PSMF1: variants seen among roughly 807,000 people sequenced by gnomAD.
PSMF1 encodes proteasome inhibitor PI31 subunit.
A neutral mutation model predicts 29.3 loss-of-function variants in PSMF1; 30 were observed. That is an observed-to-expected ratio of 1.02 (90% CI 0.77 to 1.39). The LOEUF (loss-of-function observed/expected upper bound fraction) is 1.39, where lower values mean the gene tolerates loss of function less well. Ranked by LOEUF, PSMF1 falls within the 40% of genes most tolerant of loss-of-function variation. The pLI is 0.00. For synonymous variants in PSMF1, 134 were observed against 139.7 expected, an observed-to-expected ratio of 0.96 and a Z score of 0.29; for missense variants, 344 against 357.5, an observed-to-expected ratio of 0.96 and a Z score of 0.31.
At chr20:1,161,009 T>G in intron 4 of PSMF1, 1 of 387,926 alleles carries the variant, frequency 2.6e-6, no homozygotes, top group Non-Finnish European at 5.1e-6. Context: ...CTTCTATGCC[T>G]CTGGGCGCAC....
At position 1,164,227 on chromosome 20, in the gene PSMF1, A is replaced by T; in HGVS notation, c.606-91A>T. 1 of 1,330,942 alleles carries T rather than the reference A, an allele frequency of 7.5e-7. No homozygotes were observed. Among genetic ancestry groups the T allele is most frequent in the African/African-American group, 1.4e-5 (1 of 69,290 alleles). The allele number at this position is 1,330,942 out of a possible 1,614,324, so 82.4% of individuals were successfully genotyped here. A position where few individuals can be genotyped will look rare whatever the true frequency, so the allele number is the denominator to read the frequency against. Reference sequence around the variant, plus strand: ...TTGGGCCATCCAGAGTAGACATCCCAGCCATTCTTGGTGCATTGTAACCTC... The same window carrying T: ...TTGGGCCATCCAGAGTAGACATCCCTGCCATTCTTGGTGCATTGTAACCTC... On this transcript the variant is annotated intron_variant, in intron 5 of 6. Transcript: ENST00000335877. The surrounding 1 kb of genome is among the most constrained non-coding windows in gnomAD (Gnocchi z 4.1).
In PSMF1 at chr20:1,164,621, C is replaced by T; in HGVS notation, c.764+145C>T. 1 of 1,132,796 alleles carries T rather than the reference C, an allele frequency of 8.8e-7. No homozygotes were observed. Among genetic ancestry groups the T allele is most frequent in the Non-Finnish European group, 1.2e-6 (1 of 805,966 alleles). The allele number at this position is 1,132,796 out of a possible 1,614,324, so 70.2% of individuals were successfully genotyped here. On this transcript the variant is annotated intron_variant, in intron 6 of 6. Transcript: ENST00000335877. The surrounding 1 kb of genome is among the most constrained non-coding windows in gnomAD (Gnocchi z 4.1). ...CAGGAGAGTGGAGCCTCCTCCAGGG[C>T]CCTGCCTGATTTCTCCCTGGAGCCT...
rs1027351853 is a variant in PSMF1 at position 1,155,954 on chromosome 20, G to A, written c.552-7176G>A. ...AGACAACCGATGTCAGTATTAAGAT[G>A]ACACAGATGTTGGAATTATTTGACA... On this transcript the variant is annotated intron_variant, in intron 4 of 6. Transcript: ENST00000335877. Among the ~76,000 whole-genome samples, 5 of 152,278 alleles carry A rather than the reference G, an allele frequency of 3.3e-5. No individual in the cohort carries two copies. In the East Asian group the frequency reaches 9.7e-4, roughly 29 times the overall value.
intron 4 of PSMF1, among the ~76,000 whole-genome samples, chr20:1,157,427 CTAACA>C (rs1352590918): frequency 1.3e-5 from 2 of 152,168 alleles, no homozygotes; most frequent in African/African-American, 4.8e-5. Context: ...ATAATTACGC[CTAACA>C]TAATACAACT....
At chr20:1,125,691 A>G in intron 2 of PSMF1, 41 bp downstream of exon 2, 1 of 1,588,584 alleles carries the variant, frequency 6.3e-7, no homozygotes, top group Middle Eastern at 1.8e-4. Flanking sequence ...TGAGATGGGG[A>G]TAGGAATGGC....
At chr20:1,138,901 C>T (rs2086344619) in intron 4 of PSMF1, among the ~76,000 whole-genome samples, 1 of 152,044 alleles carries the variant, frequency 6.6e-6, no homozygotes, top group African/African-American at 2.4e-5. Flanking sequence ...AGGGGCCAGG[C>T]ATGGTGGTTC....
At position 1,135,283 on chromosome 20, in the gene PSMF1, A is replaced by G; in HGVS notation, c.528A>G (p.Pro176=). Reference sequence around the variant, plus strand: ...CACTCCGGATTCCTCCACACCACCCACACACCAGTCGGCAGCCTCCCTGGT... The same window carrying G: ...CACTCCGGATTCCTCCACACCACCCGCACACCAGTCGGCAGCCTCCCTGGT... ...VDPLRIPPHH[P]HTSRQPPWCD... Residue 176 remains proline (P), a synonymous_variant, in exon 4 of 7, where the codon CCA becomes CCG. Transcript: ENST00000335877. 1.2e-6 allele frequency: 2 copies of G among 1,613,372 alleles called. No homozygotes were observed. The highest frequency in any genetic ancestry group is 1.7e-6 in the Non-Finnish European group (2 of 1,179,582).
At position 1,164,423 on chromosome 20, in the gene PSMF1, G is replaced by C; in HGVS notation, c.711G>C (p.Val237=). The change falls in exon 6 of 7, where the codon GTG becomes GTC. Residue 237 remains valine (V), a synonymous_variant. Coordinates refer to ENST00000335877, the MANE Select transcript of PSMF1 (RefSeq NM_006814.5). This position sits in a 1 kb window ranked among gnomAD's most constrained non-coding sequence, Gnocchi z 4.1. ...CGAACCGACTTCCTCCAGGCGCTGT[G>C]CCCCCAGGAGCTCGCTTTGACCCCT... is the stretch of plus-strand genomic sequence containing the variant. The part of the protein sequence containing the change: ...GLPNRLPPGA[V]PPGARFDPFG... 4 of 1,614,124 alleles carry C rather than the reference G, an allele frequency of 2.5e-6. No homozygotes were observed. Among genetic ancestry groups the C allele is most frequent in the Non-Finnish European group, 3.4e-6 (4 of 1,180,028 alleles).
At chr20:1,131,884 C>T (rs1162232239) in intron 3 of PSMF1, among the ~76,000 whole-genome samples, 1 of 152,046 alleles carries the variant, frequency 6.6e-6, no homozygotes, top group Non-Finnish European at 1.5e-5. Flanking sequence ...TTTACACATG[C>T]CTAGGGAGAT....
intron 4 of PSMF1, among the ~76,000 whole-genome samples, chr20:1,142,440 GC>G (rs2086395177): frequency 6.6e-6 from 1 of 151,172 alleles, no homozygotes; most frequent in Non-Finnish European, 1.5e-5. Context: ...CCCACAACAG[GC>G]CCCGGTGTGT....
rs138900876 is a variant in PSMF1 at position 1,125,673 on chromosome 20, T to C, written c.282+23T>C. 2.0e-4 allele frequency: 325 copies of C among 1,600,636 alleles called. 2 individuals carry two copies. The African/African-American group carries it at 3.8e-3, about 19-fold the overall frequency. On this transcript the variant is annotated intron_variant, in intron 2 of 6. Transcript: ENST00000335877. Reference sequence around the variant, plus strand: ...CTGGTGAGTCTCTGGGACACGTGAGTCTGCTGATGAGATGGGGATAGGAAT... The same window carrying C: ...CTGGTGAGTCTCTGGGACACGTGAGCCTGCTGATGAGATGGGGATAGGAAT...
At chr20:1,129,288 C>G (rs1025892414) in intron 3 of PSMF1, among the ~76,000 whole-genome samples, 1 of 152,194 alleles carries the variant, frequency 6.6e-6, no homozygotes, top group Admixed American at 6.5e-5. Flanking sequence ...CCTAGCCACC[C>G]TCAGAGTTTT....
chr20:1,117,692 C>T (rs2086025470), upstream of PSMF1, among the ~76,000 whole-genome samples: 1 of 152,178 alleles, frequency 6.6e-6, no homozygotes, highest in African/African-American at 2.4e-5. Flanking sequence ...GAGTGCAGTA[C>T]AGACTAGAGA....
chr20:1,135,425 G>A (rs2122511043), intron 4 of PSMF1, 119 bp downstream of exon 4: 2 of 1,071,088 alleles, frequency 1.9e-6, no homozygotes, highest in Non-Finnish European at 2.6e-6. Context: ...AAAATGATCA[G>A]TGTCTTGGGG....
At chr20:1,135,083 C>T in intron 3 of PSMF1, 38 bp from the exon 4 acceptor site, 5 of 1,610,162 alleles carry the variant, frequency 3.1e-6, no homozygotes, top group Non-Finnish European at 4.3e-6. Flanking sequence ...GGTTCCTAGC[C>T]AACTGCAAGC....
intron 2 of PSMF1, chr20:1,125,978 T>C: frequency 2.1e-6 from 1 of 479,622 alleles, no homozygotes; most frequent in Non-Finnish European, 4.1e-6. Context: ...AATTGAATTC[T>C]TTGCTGCCTT....
At chr20:1,162,225 C>T (rs1032683938) in intron 4 of PSMF1, among the ~76,000 whole-genome samples, 1 of 152,120 alleles carries the variant, frequency 6.6e-6, no homozygotes, top group Non-Finnish European at 1.5e-5. Flanking sequence ...GAGTTGGAAG[C>T]GGTTTGCATT....
chr20:1,138,403 A>G (rs1165981670), intron 4 of PSMF1, among the ~76,000 whole-genome samples: 1 of 152,078 alleles, frequency 6.6e-6, no homozygotes, highest in African/African-American at 2.4e-5. Context: ...TCATGCCTGT[A>G]ATCCCTGCAT....
At chr20:1,148,025 T>G (rs930649757) in intron 4 of PSMF1, among the ~76,000 whole-genome samples, 1 of 152,182 alleles carries the variant, frequency 6.6e-6, no homozygotes, top group Non-Finnish European at 1.5e-5. Flanking sequence ...GTCTCACCCC[T>G]CACCTTAAAC....
Sources: gnomAD v4.1 joint callset for allele counts (sites outside exome capture counted in the v4.1 genomes callset) on GRCh38, gnomAD v4.1.1 for gene constraint, Gnocchi (gnomAD v3.1) non-coding constraint, MANE v1.5 for transcripts, NCBI Gene and HGNC (gene_info 2026-07-23, HGNC 2026-07-21) for gene names.